The following MAP2 variants were observed in gnomAD, a reference collection of about 807,000 sequenced individuals.
The protein encoded by MAP2 is microtubule associated protein 2.
A neutral mutation model predicts 137.6 loss-of-function variants in MAP2; 14 were observed. That is an observed-to-expected ratio of 0.10 (90% CI 0.07 to 0.16). The LOEUF is 0.16. Ranked by LOEUF, MAP2 falls within the 10% of genes least tolerant of loss-of-function variation. The pLI is 1.00. For synonymous variants in MAP2, 786 were observed against 782.3 expected (o/e 1.00, Z -0.08); for missense variants, 2,088 against 2,191.5 (o/e 0.95, Z 0.94).
intron 2 of MAP2, among the ~76,000 whole-genome samples, chr2:209,521,832 G>A (rs1311183497): frequency 1.2e-4 from 18 of 151,938 alleles, no homozygotes; most frequent in Admixed American, 1.1e-3. Context: ...TGTTTTCATA[G>A]GTACTAAAGC....
At chr2:209,478,328 A>G (rs1423327003) in intron 1 of MAP2, among the ~76,000 whole-genome samples, 2 of 152,170 alleles carry the variant, frequency 1.3e-5, no homozygotes, top group Admixed American at 6.5e-5. Context: ...TAAAATGGAG[A>G]TAACCATAAT....
At position 209,598,916 on chromosome 2, in the gene MAP2, A is replaced by C. The variant is rs1353503745; in HGVS notation, c.-107+18816A>C. Among the ~76,000 whole-genome samples the C allele has an allele frequency of 3.3e-5, 5 of 151,620 alleles. No individual in the cohort carries two copies. The South Asian group carries it at 1.0e-3, about 32-fold the overall frequency. ...AATGCCGCAATAAACATACGTGTGC[A>C]TGTGTCTTTATAGCAGCATGATTTA... On this transcript the variant is annotated intron_variant, in intron 3 of 15. Transcript: ENST00000682079.
intron 1 of MAP2, among the ~76,000 whole-genome samples, chr2:209,495,560 C>T (rs1036928172): frequency 1.3e-5 from 2 of 152,188 alleles, no homozygotes. Flanking sequence ...TGGAGTGGAC[C>T]TCCAGCAAAC....
intron 1 of MAP2, among the ~76,000 whole-genome samples, chr2:209,481,284 C>T (rs1432900848): frequency 6.6e-6 from 1 of 152,144 alleles, no homozygotes; most frequent in Non-Finnish European, 1.5e-5. Flanking sequence ...CAGCTTGCCT[C>T]CTATTGGGTG....
At chr2:209,491,656 C>G (rs778590334) in intron 1 of MAP2, among the ~76,000 whole-genome samples, 1 of 152,138 alleles carries the variant, frequency 6.6e-6, no homozygotes, top group Non-Finnish European at 1.5e-5. Context: ...TCAGAGAATA[C>G]TATAAAACAC....
intron 3 of MAP2, among the ~76,000 whole-genome samples, chr2:209,617,029 C>A (rs13423045): frequency 1.9e-4 from 29 of 152,156 alleles, no homozygotes; most frequent in African/African-American, 6.7e-4. Context: ...CAAAGCATTT[C>A]TTTATGGCAA....
At chr2:209,555,494 C>G (rs536755413) in intron 2 of MAP2, among the ~76,000 whole-genome samples, 1 of 152,204 alleles carries the variant, frequency 6.6e-6, no homozygotes, top group South Asian at 2.1e-4. Flanking sequence ...AGGCTTATGA[C>G]TGGACTGGAG....
At chr2:209,537,805 C>A (rs2066220025) in intron 2 of MAP2, among the ~76,000 whole-genome samples, 1 of 152,134 alleles carries the variant, frequency 6.6e-6, no homozygotes, top group South Asian at 2.1e-4. Flanking sequence ...CAGATTCAGC[C>A]TTTAATTCAT....
chr2:209,655,245 GC>G (rs1559492600), intron 5 of MAP2, among the ~76,000 whole-genome samples: 1 of 152,156 alleles, frequency 6.6e-6, no homozygotes, highest in South Asian at 2.1e-4. Context: ...TTTGGTATTA[GC>G]TTTTGGAGAT....
At chr2:209,619,307 T>C (rs1391781488) in intron 3 of MAP2, among the ~76,000 whole-genome samples, 1 of 152,194 alleles carries the variant, frequency 6.6e-6, no homozygotes, top group Non-Finnish European at 1.5e-5. Flanking sequence ...ATGACAACTA[T>C]GTGAAGTAAT....
In MAP2 at chr2:209,710,189, C is replaced by G; in HGVS notation, c.5008C>G (p.Leu1670Val). The change falls in exon 13 of 16, where the codon CTG (leucine) becomes GTG (valine). Residue 1670 changes from leucine (L) to valine (V), a missense_variant. By Grantham distance (32) the Leu-to-Val change is conservative (BLOSUM62 1). Transcript: ENST00000682079. Reference sequence around the variant, plus strand: ...GCTTATTAACCAACCACTGCCAGACCTGAAGAATGTCAAATCCAAAATCGG... The same window carrying G: ...GCTTATTAACCAACCACTGCCAGACGTGAAGAATGTCAAATCCAAAATCGG... ...LRLINQPLPD[L>V]KNVKSKIGST... 6.2e-7 allele frequency: 1 copy of G among 1,611,960 alleles called. No individual in the cohort carries two copies. The highest frequency in any genetic ancestry group is 8.5e-7 in the Non-Finnish European group (1 of 1,178,730).
intron 3 of MAP2, among the ~76,000 whole-genome samples, chr2:209,610,488 C>T (rs766821250): frequency 1.3e-5 from 2 of 150,928 alleles, no homozygotes; most frequent in Non-Finnish European, 2.9e-5. Context: ...TTAAGAAAGG[C>T]GAAATTTGCT....
chr2:209,723,449 C>G (rs2072259039), intron 13 of MAP2: 1 of 624,642 alleles, frequency 1.6e-6, no homozygotes, highest in Admixed American at 2.6e-5. Context: ...TAGAACAGTT[C>G]TTCAGTTCCA....
intron 2 of MAP2, among the ~76,000 whole-genome samples, chr2:209,527,131 T>C (rs2150491619): frequency 6.6e-6 from 1 of 152,316 alleles, no homozygotes; most frequent in South Asian, 2.1e-4. Flanking sequence ...TGTCTCATTT[T>C]CTTGTGGCAG....
chr2:209,642,304 T>G (rs996376969), intron 4 of MAP2, among the ~76,000 whole-genome samples: 2 of 151,782 alleles, frequency 1.3e-5, no homozygotes, highest in Admixed American at 1.3e-4. Context: ...TATAGTGATG[T>G]GCACTTATAA....
chr2:209,549,848 A>G (rs1385659095), intron 2 of MAP2, among the ~76,000 whole-genome samples: 1 of 152,208 alleles, frequency 6.6e-6, no homozygotes, highest in Non-Finnish European at 1.5e-5. Flanking sequence ...CTGCCTTGTT[A>G]AACACTTTAA....
At chr2:209,603,387 G>T (rs912519204) in intron 3 of MAP2, among the ~76,000 whole-genome samples, 2 of 152,126 alleles carry the variant, frequency 1.3e-5, no homozygotes, top group African/African-American at 4.8e-5. Flanking sequence ...CAGAGTCATT[G>T]TTTCATTTGA....
intron 13 of MAP2, among the ~76,000 whole-genome samples, chr2:209,715,116 A>G (rs903386501): frequency 1.3e-5 from 2 of 152,140 alleles, no homozygotes; most frequent in Non-Finnish European, 2.9e-5. Flanking sequence ...ACTACATTAA[A>G]TTTGGAAAGG....
chr2:209,553,790 A>G (rs994665910), intron 2 of MAP2, among the ~76,000 whole-genome samples: 5 of 152,228 alleles, frequency 3.3e-5, no homozygotes, highest in African/African-American at 1.2e-4. Context: ...TATTACATTG[A>G]AAAGAAGAAG....
Sources: allele counts gnomAD v4.1 joint callset (sites outside exome capture counted in the v4.1 genomes callset), GRCh38; gene constraint gnomAD v4.1.1; transcripts MANE v1.5; gene names NCBI Gene and HGNC (gene_info 2026-07-23, HGNC 2026-07-21).